Variants in SYNDIG1 observed in about 807,000 individuals in gnomAD.
SYNDIG1 encodes synapse differentiation inducing 1, also known as synapse differentiation-inducing gene protein 1.
A neutral mutation model predicts 19.4 loss-of-function variants in SYNDIG1; 9 were observed. The observed-to-expected ratio is 0.46, with a 90% CI of 0.28 to 0.81. The LOEUF (loss-of-function observed/expected upper bound fraction) is 0.81. Among genes scored for constraint, SYNDIG1 ranks in the 30% least tolerant of loss-of-function variants. The probability of loss-of-function intolerance (pLI) is 0.12; values close to 1 mark genes in which losing one functional copy is unlikely to be tolerated. For synonymous variants in SYNDIG1, 141 were observed against 145.9 expected (o/e 0.97, Z 0.24); for missense variants, 311 against 343.3 (o/e 0.91, Z 0.74).
intron 3 of SYNDIG1, among the ~76,000 whole-genome samples, chr20:24,600,605 C>CT (rs71183379): frequency 0.04 from 5,244 of 130,722 alleles, 159 homozygotes; most frequent in African/African-American, 0.071. Flanking sequence ...ATCTTTCTTT[C>CT]TTTTTTTTTT....
chr20:24,657,483 G>A (rs1459097685), intron 3 of SYNDIG1, among the ~76,000 whole-genome samples: 2 of 152,268 alleles, frequency 1.3e-5, no homozygotes, highest in African/African-American at 4.8e-5. Flanking sequence ...TTTGAGTTGG[G>A]TTGTAACCAA....
At chr20:24,606,039 C>T (rs2058752657) in intron 3 of SYNDIG1, among the ~76,000 whole-genome samples, 1 of 152,236 alleles carries the variant, frequency 6.6e-6, no homozygotes, top group Non-Finnish European at 1.5e-5. Context: ...TGTGCAGGTC[C>T]TACAGCACTA....
chr20:24,627,535 G>A (rs1049379131), intron 3 of SYNDIG1, among the ~76,000 whole-genome samples: 8 of 152,180 alleles, frequency 5.3e-5, no homozygotes, highest in Non-Finnish European at 1.0e-4. Flanking sequence ...TCCGCATTCC[G>A]ATGTCCGTTG....
At chr20:24,611,628 T>A (rs1376835224) in intron 3 of SYNDIG1, among the ~76,000 whole-genome samples, 1 of 149,406 alleles carries the variant, frequency 6.7e-6, no homozygotes, top group Non-Finnish European at 1.5e-5. Context: ...TGGCCTCTCC[T>A]CCCATGCCAC....
intron 3 of SYNDIG1, among the ~76,000 whole-genome samples, chr20:24,626,523 C>T (rs1423228648): frequency 2.0e-5 from 3 of 151,832 alleles, no homozygotes; most frequent in African/African-American, 7.2e-5. Context: ...GGAATGGCGG[C>T]CGGGAAGAGG....
In SYNDIG1 at chr20:24,620,037, G is replaced by A. The variant is rs187227182; in HGVS notation, c.618+35044G>A. Among the ~76,000 whole-genome samples, 177 of 152,296 alleles carry A rather than the reference G, an allele frequency of 1.2e-3. 1 individual carries two copies. Among genetic ancestry groups the A allele is most frequent in the Non-Finnish European group, 1.9e-3 (126 of 68,032 alleles). On this transcript the variant is annotated intron_variant, in intron 3 of 3. Transcript: ENST00000376862. ...GGAGAGCTTCCCTAAGACCCTACAGGAGAAGGTAAATTCTTCTTCAGGACA... is the reference window on the plus strand; with the variant it reads ...GGAGAGCTTCCCTAAGACCCTACAGAAGAAGGTAAATTCTTCTTCAGGACA...
At chr20:24,534,052 A>G (rs2057314134) in intron 1 of SYNDIG1, among the ~76,000 whole-genome samples, 1 of 151,972 alleles carries the variant, frequency 6.6e-6, no homozygotes, top group South Asian at 2.1e-4. Flanking sequence ...TCACATGACA[A>G]AGGGGGAGCA....
intron 1 of SYNDIG1, among the ~76,000 whole-genome samples, chr20:24,531,147 A>G (rs568913441): frequency 1.3e-5 from 2 of 152,172 alleles, no homozygotes; most frequent in East Asian, 3.9e-4. Flanking sequence ...TTGCATAGGT[A>G]GCTGACTTCA....
In SYNDIG1 at chr20:24,512,140, T is replaced by C. The variant is rs1281825527; in HGVS notation, c.-78-30880T>C. On this transcript the variant is annotated intron_variant, in intron 1 of 3. Coordinates refer to ENST00000376862, the MANE Select transcript of SYNDIG1 (RefSeq NM_024893.3). ...ATATATATATATATATATATATATA[T>C]ATATATATATATATGCAGTGGTTCC... Among the ~76,000 whole-genome samples, 4 of 134,790 alleles carry C rather than the reference T, an allele frequency of 3.0e-5. No homozygotes were observed. The East Asian group carries it at 8.6e-4, about 29-fold the overall frequency. 88.4% of individuals were successfully genotyped at this position (134,790 alleles called of 152,430 possible).
At chr20:24,577,249 T>C (rs894662450) in intron 2 of SYNDIG1, among the ~76,000 whole-genome samples, 4 of 152,210 alleles carry the variant, frequency 2.6e-5, no homozygotes, top group Non-Finnish European at 4.4e-5. Flanking sequence ...GTGACCTGAC[T>C]TCAAGTAAAG....
intron 2 of SYNDIG1, among the ~76,000 whole-genome samples, chr20:24,568,706 T>C (rs1450787473): frequency 1.3e-5 from 2 of 152,240 alleles, no homozygotes; most frequent in African/African-American, 4.8e-5. Context: ...TGTATTCATA[T>C]AAGCACTCAA....
chr20:24,585,019 G>C, intron 3 of SYNDIG1, 26 bp downstream of exon 3: 3 of 1,602,356 alleles, frequency 1.9e-6, no homozygotes, highest in Non-Finnish European at 2.6e-6. Flanking sequence ...TCTGTCGCAC[G>C]TGGTGTGCAG....
intron 2 of SYNDIG1, among the ~76,000 whole-genome samples, chr20:24,554,301 T>C (rs2057766665): frequency 6.6e-6 from 1 of 152,212 alleles, no homozygotes; most frequent in South Asian, 2.1e-4. Context: ...CCTTATTTCC[T>C]TCTCCTGCCT....
intron 1 of SYNDIG1, among the ~76,000 whole-genome samples, chr20:24,522,511 C>G (rs1457638289): frequency 2.0e-5 from 3 of 152,190 alleles, no homozygotes; most frequent in African/African-American, 7.2e-5. Flanking sequence ...CTGCCTATCT[C>G]CTCCCCACTT....
chr20:24,602,454 C>G (rs1271468777), intron 3 of SYNDIG1, among the ~76,000 whole-genome samples: 1 of 152,326 alleles, frequency 6.6e-6, no homozygotes. Flanking sequence ...CACCTTTTCT[C>G]TCATGGCTTA....
intron 3 of SYNDIG1, among the ~76,000 whole-genome samples, chr20:24,638,714 A>G (rs2059341452): frequency 6.6e-6 from 1 of 152,192 alleles, no homozygotes; most frequent in Admixed American, 6.5e-5. Context: ...TGTGATTGCT[A>G]CTGAAAACAA....
rs1030306367 is a variant in SYNDIG1 at position 24,658,487 on chromosome 20, A to G, written c.619-6859A>G. Among the ~76,000 whole-genome samples, 5 of 151,908 alleles carry G rather than the reference A, an allele frequency of 3.3e-5. No homozygotes were observed. The highest frequency in any genetic ancestry group is 5.9e-5 in the Non-Finnish European group (4 of 67,962). On this transcript the variant is annotated intron_variant, in intron 3 of 3. Coordinates refer to ENST00000376862, the MANE Select transcript of SYNDIG1 (RefSeq NM_024893.3). The surrounding 1 kb of genome is among the most constrained non-coding windows in gnomAD (Gnocchi z 4.4). ...CTCTGGCCGTACCCTGGGGGGTGAA[A>G]GCCCTTCCCCAGTGACCTGCAGGTT...
Position 24,636,400 on chromosome 20 carries a change from G to A in SYNDIG1, c.619-28946G>A, listed in dbSNP as rs2059316439. 2.0e-5 allele frequency among the ~76,000 whole-genome samples: 3 copies of A among 152,116 alleles called. No individual in the cohort carries two copies. In the South Asian group the frequency reaches 6.2e-4, roughly 32 times the overall value. Reference sequence around the variant, plus strand: ...AGCTCTCTCTCCTGCAGAGAGAGAGGGGCACCTGAGTGGGTCTTCTAGTCC... The same window carrying A: ...AGCTCTCTCTCCTGCAGAGAGAGAGAGGCACCTGAGTGGGTCTTCTAGTCC... On this transcript the variant is annotated intron_variant, in intron 3 of 3. Transcript: ENST00000376862.
At chr20:24,537,359 G>A (rs929713810) in intron 1 of SYNDIG1, among the ~76,000 whole-genome samples, 2 of 151,784 alleles carry the variant, frequency 1.3e-5, no homozygotes, top group Admixed American at 6.6e-5. Context: ...TTCTCAGTAT[G>A]GTATACACTC....
Sources: allele counts gnomAD v4.1 joint callset (sites outside exome capture counted in the v4.1 genomes callset), GRCh38; gene constraint gnomAD v4.1.1; non-coding constraint Gnocchi (gnomAD v3.1); transcripts MANE v1.5; gene names NCBI Gene and HGNC (gene_info 2026-07-23, HGNC 2026-07-21).